The following TPO variants were observed in gnomAD, a reference collection of about 807,000 sequenced individuals.
TPO encodes thyroid microsomal antigen.
Under a neutral mutation model 96.9 loss-of-function variants are expected in TPO, and 78 were observed. The ratio of observed to expected loss-of-function variants is 0.81; its 90% CI spans 0.67 to 0.97. The LOEUF (loss-of-function observed/expected upper bound fraction) is 0.97, where lower values mean the gene tolerates loss of function less well. Ranked by LOEUF, TPO falls within the 50% of genes least tolerant of loss-of-function variation. The pLI, the probability that TPO is intolerant of heterozygous loss-of-function variation, is 0.00. For synonymous variants in TPO, 547 were observed against 538.0 expected, an observed-to-expected ratio of 1.02 and a Z score of -0.23; for missense variants, 1,252 against 1,274.8, an observed-to-expected ratio of 0.98 and a Z score of 0.27.
chr2:1,475,758 G>A (rs547073588), intron 7 of TPO, among the ~76,000 whole-genome samples: 4 of 152,322 alleles, frequency 2.6e-5, no homozygotes, highest in Non-Finnish European at 2.9e-5. Context: ...GGCCGGAAGC[G>A]CTTGTTTAAT....
At chr2:1,468,307 A>G (rs1211982791) in intron 7 of TPO, among the ~76,000 whole-genome samples, 2 of 151,804 alleles carry the variant, frequency 1.3e-5, no homozygotes, top group South Asian at 2.1e-4. Context: ...GTCCTGTGAG[A>G]TTTATGCTTT....
chr2:1,503,085 G>A (rs549076342), intron 13 of TPO, among the ~76,000 whole-genome samples: 4 of 152,198 alleles, frequency 2.6e-5, no homozygotes, highest in South Asian at 4.1e-4. Flanking sequence ...TGTGGACCCC[G>A]GCTCCTCCAC....
At chr2:1,409,949 G>GGTGGGGGGCAGGTGCA (rs1449912521), upstream of TPO, among the ~76,000 whole-genome samples, 7 of 150,696 alleles carry the variant, frequency 4.6e-5, no homozygotes, top group African/African-American at 1.7e-4. Flanking sequence ...GGGCAGGTGC[G>GGTGGGGGGCAGGTGCA]GTGGGGGGCA....
chr2:1,411,741 C>T (rs745610961), upstream of TPO, among the ~76,000 whole-genome samples: 5 of 152,198 alleles, frequency 3.3e-5, no homozygotes, highest in Non-Finnish European at 7.3e-5. Context: ...CTCATGGCCA[C>T]GGCCCTCCAG....
chr2:1,421,097 C>A (rs1240011670), intron 2 of TPO, among the ~76,000 whole-genome samples: 1 of 152,122 alleles, frequency 6.6e-6, no homozygotes, highest in Non-Finnish European at 1.5e-5. Flanking sequence ...CCCGAGGTGA[C>A]ACTCACAGGA....
At chr2:1,484,887 A>G in intron 9 of TPO, 33 bp downstream of exon 9, 1 of 1,612,272 alleles carries the variant, frequency 6.2e-7, no homozygotes, top group South Asian at 1.1e-5. Context: ...GCTGGTCCCC[A>G]TGAACTCTTC....
intron 1 of TPO, among the ~76,000 whole-genome samples, chr2:1,380,169 C>A (rs187669469): frequency 2.0e-5 from 3 of 151,888 alleles, no homozygotes; most frequent in Non-Finnish European, 4.4e-5. Flanking sequence ...CCGAGGTGGG[C>A]GGATCATGAG....
chr2:1,386,865 A>G (rs1402026952), intron 1 of TPO, among the ~76,000 whole-genome samples: 1 of 152,012 alleles, frequency 6.6e-6, no homozygotes, highest in East Asian at 1.9e-4. Flanking sequence ...GTTCCTTTCC[A>G]TGTTTAGTGC....
intron 15 of TPO, among the ~76,000 whole-genome samples, chr2:1,519,311 G>C (rs544368610): frequency 6.6e-6 from 1 of 152,334 alleles, no homozygotes; most frequent in East Asian, 1.9e-4. Flanking sequence ...GCTCAAAGCT[G>C]GTAGGCCCAG....
intron 15 of TPO, among the ~76,000 whole-genome samples, chr2:1,536,701 C>A (rs1227422130): frequency 9.9e-6 from 1 of 101,096 alleles, no homozygotes; most frequent in Non-Finnish European, 1.9e-5. Flanking sequence ...TCCATAAATC[C>A]AACCAAATGT....
intron 13 of TPO, among the ~76,000 whole-genome samples, chr2:1,503,242 T>C (rs1047384587): frequency 3.9e-5 from 6 of 152,204 alleles, no homozygotes; most frequent in African/African-American, 1.2e-4. Context: ...AGGCCAGCTC[T>C]GTTCCCTCCA....
At chr2:1,385,572 T>A (rs886795507) in intron 1 of TPO, among the ~76,000 whole-genome samples, 7 of 152,260 alleles carry the variant, frequency 4.6e-5, no homozygotes, top group Non-Finnish European at 7.4e-5. Flanking sequence ...TTATCATTTT[T>A]TATTGCATCT....
intron 1 of TPO, among the ~76,000 whole-genome samples, chr2:1,397,090 A>G (rs751572950): frequency 9.2e-5 from 14 of 152,178 alleles, no homozygotes; most frequent in Non-Finnish European, 1.9e-4. Flanking sequence ...GGTGGAAACA[A>G]TAGTAGGTGC....
chr2:1,461,087 G>A (rs1668385984), intron 7 of TPO, among the ~76,000 whole-genome samples: 1 of 152,166 alleles, frequency 6.6e-6, no homozygotes, highest in Admixed American at 6.5e-5. Flanking sequence ...AAGGACACGG[G>A]TAGCCCTGAG....
intron 5 of TPO, among the ~76,000 whole-genome samples, chr2:1,445,404 CTGCAGGAGGTACCCTGT>C: frequency 1.1e-5 from 1 of 90,116 alleles, no homozygotes; most frequent in Non-Finnish European, 2.2e-5. Flanking sequence ...CCAGTCATTG[CTGCAGGAGGTACCCTGT>C]TGGAAGGTAA....
chr2:1,506,222 T>C (rs938394110), intron 14 of TPO, among the ~76,000 whole-genome samples: 41 of 152,088 alleles, frequency 2.7e-4, no homozygotes, highest in Non-Finnish European at 2.2e-4. Flanking sequence ...GAACTCATCA[T>C]TTATGGCTGC....
intron 15 of TPO, among the ~76,000 whole-genome samples, chr2:1,536,651 C>CCG (rs1283097289): frequency 1.2e-5 from 1 of 84,968 alleles, no homozygotes; most frequent in East Asian, 3.4e-4. Context: ...TCCCCCCCCC[C>CCG]ACTGTGTGCA....
chr2:1,522,286 G>A lies in TPO; in HGVS notation c.2618+5304G>A, dbSNP rs1167656606. Among the ~76,000 whole-genome samples the A allele has an allele frequency of 5.2e-5, 2 of 38,602 alleles. 1 individual carries two copies. The allele number at this position is 38,602 out of a possible 152,430, so 25.3% of individuals were successfully genotyped here. On this transcript the variant is annotated intron_variant, in intron 15 of 16. Coordinates refer to ENST00000329066, the MANE Select transcript of TPO (RefSeq NM_001206744.2). ...CTCACAGTCTCTCTACCCCACACCG[G>A]CCCTGCCACCTTGCCCTCACAGTCT...
At chr2:1,480,297 C>T (rs1235862807) in intron 8 of TPO, among the ~76,000 whole-genome samples, 2 of 151,912 alleles carry the variant, frequency 1.3e-5, no homozygotes, top group Admixed American at 1.3e-4. Flanking sequence ...TTTGCAAAAA[C>T]CTTTGATACA....
Sources: gnomAD v4.1 joint callset for allele counts (sites outside exome capture counted in the v4.1 genomes callset) on GRCh38, gnomAD v4.1.1 for gene constraint, MANE v1.5 for transcripts, NCBI Gene and HGNC (gene_info 2026-07-23, HGNC 2026-07-21) for gene names.